Variants in DPP10 observed in about 807,000 individuals in gnomAD.
The protein encoded by DPP10 is dipeptidyl peptidase like 10, also known as inactive dipeptidyl peptidase 10.
DPP10 carries 33 observed loss-of-function variants against 120.9 expected under a neutral mutation model. The ratio of observed to expected loss-of-function variants is 0.27; its 90% confidence interval spans 0.21 to 0.37. The LOEUF is 0.37. Among genes scored for constraint, DPP10 ranks in the 10% least tolerant of loss-of-function variants. The pLI, the probability that DPP10 is intolerant of heterozygous loss-of-function variation, is 1.00. For synonymous variants in DPP10, 337 were observed against 326.1 expected, an observed-to-expected ratio of 1.03 and a Z score of -0.36; for missense variants, 816 against 942.8, an observed-to-expected ratio of 0.87 and a Z score of 1.76.
chr2:115,826,272 C>T (rs747221532), intron 21 of DPP10, among the ~76,000 whole-genome samples: 1 of 152,198 alleles, frequency 6.6e-6, no homozygotes, highest in Non-Finnish European at 1.5e-5. Flanking sequence ...TGACTTCCTA[C>T]AATTTTTATT....
At chr2:114,660,765 A>G (rs1482957881) in intron 1 of DPP10, among the ~76,000 whole-genome samples, 1 of 152,220 alleles carries the variant, frequency 6.6e-6, no homozygotes, top group Non-Finnish European at 1.5e-5. Context: ...TAGAATTTAC[A>G]GTTTACTTGG....
At chr2:115,804,495 A>T (rs1685672384) in intron 19 of DPP10, among the ~76,000 whole-genome samples, 1 of 152,154 alleles carries the variant, frequency 6.6e-6, no homozygotes, top group South Asian at 2.1e-4. Flanking sequence ...CCTTTGGAGG[A>T]GGAGAGGCGC....
chr2:114,767,853 G>A (rs1019369630), intron 1 of DPP10, among the ~76,000 whole-genome samples: 3 of 152,162 alleles, frequency 2.0e-5, no homozygotes, highest in Non-Finnish European at 4.4e-5. Context: ...GAGCATGGTG[G>A]CTCATGCCTG....
intron 3 of DPP10, among the ~76,000 whole-genome samples, chr2:115,402,275 T>C (rs2068126009): frequency 6.6e-6 from 1 of 152,104 alleles, no homozygotes; most frequent in African/African-American, 2.4e-5. Context: ...TACAGAAGGC[T>C]CATTCCTATT....
Position 115,584,863 on chromosome 2 carries a change from T to G in DPP10, c.441+58891T>G, listed in dbSNP as rs149437952. ...AGGTGGTTAAATACTGGTTGCATGA[T>G]CCTTCACAATCTCTGTCCTCTCATG... On this transcript the variant is annotated intron_variant, in intron 5 of 25. Coordinates refer to ENST00000410059, the MANE Select transcript of DPP10 (RefSeq NM_020868.6). Among the ~76,000 whole-genome samples, 9 of 152,340 alleles carry G rather than the reference T, an allele frequency of 5.9e-5. No individual in the cohort carries two copies. The East Asian group carries it at 1.7e-3, about 29-fold the overall frequency.
chr2:115,744,945 T>C (rs1377870829), intron 9 of DPP10, among the ~76,000 whole-genome samples: 1 of 150,530 alleles, frequency 6.6e-6, no homozygotes, highest in Admixed American at 7.0e-5. Context: ...TGGCATATTG[T>C]TTAGAAACAT....
At chr2:115,133,141 G>A (rs1365553398) in intron 1 of DPP10, among the ~76,000 whole-genome samples, 70 of 35,350 alleles carry the variant, frequency 2.0e-3, no homozygotes, top group African/African-American at 5.2e-3. Flanking sequence ...GTGTGTGTGT[G>A]TGTGTATATA....
intron 1 of DPP10, among the ~76,000 whole-genome samples, chr2:114,822,484 C>T (rs1174046375): frequency 6.6e-6 from 1 of 152,144 alleles, no homozygotes; most frequent in Non-Finnish European, 1.5e-5. Context: ...AGACATTTTC[C>T]CCGTTGTCTT....
At chr2:114,523,653 G>A (rs567666245) in intron 1 of DPP10, among the ~76,000 whole-genome samples, 3 of 152,282 alleles carry the variant, frequency 2.0e-5, no homozygotes, top group South Asian at 4.1e-4. Flanking sequence ...CTTTTTTTAA[G>A]GAGAGGAAAT....
At chr2:114,958,245 G>C (rs1698354236) in intron 1 of DPP10, among the ~76,000 whole-genome samples, 1 of 152,212 alleles carries the variant, frequency 6.6e-6, no homozygotes, top group Admixed American at 6.5e-5. Context: ...TGTATGAGTG[G>C]TTGAAGTATG....
At chr2:114,921,767 C>G (rs1695212224) in intron 1 of DPP10, among the ~76,000 whole-genome samples, 1 of 152,206 alleles carries the variant, frequency 6.6e-6, no homozygotes, top group African/African-American at 2.4e-5. Flanking sequence ...TAATATCTGT[C>G]TATTATGGCT....
At chr2:114,745,102 G>A (rs1276085055) in intron 1 of DPP10, among the ~76,000 whole-genome samples, 1 of 152,176 alleles carries the variant, frequency 6.6e-6, no homozygotes, top group Non-Finnish European at 1.5e-5. Context: ...TACAAAAATT[G>A]TTGCTGATCC....
chr2:114,688,975 G>A (rs1193632450), intron 1 of DPP10, among the ~76,000 whole-genome samples: 2 of 151,780 alleles, frequency 1.3e-5, no homozygotes, highest in Non-Finnish European at 2.9e-5. Context: ...TGTATCCCGA[G>A]ATGTCATTAA....
At chr2:114,576,817 T>C (rs1401023931) in intron 1 of DPP10, among the ~76,000 whole-genome samples, 2 of 151,994 alleles carry the variant, frequency 1.3e-5, no homozygotes, top group Non-Finnish European at 2.9e-5. Context: ...ACAAAATTAC[T>C]GCCTCTGGGT....
intron 1 of DPP10, among the ~76,000 whole-genome samples, chr2:114,491,218 G>C (rs967067116): frequency 1.3e-5 from 2 of 152,040 alleles, no homozygotes; most frequent in Non-Finnish European, 2.9e-5. Flanking sequence ...ATTTTAGAAA[G>C]TCCAAACTTT....
chr2:115,062,689 C>T (rs1276182518), intron 1 of DPP10, among the ~76,000 whole-genome samples: 3 of 152,306 alleles, frequency 2.0e-5, no homozygotes, highest in South Asian at 2.1e-4. Flanking sequence ...TGGCTTCCAG[C>T]TCCATCCATG....
intron 1 of DPP10, among the ~76,000 whole-genome samples, chr2:114,667,863 G>A (rs1487575247): frequency 6.6e-6 from 1 of 152,178 alleles, no homozygotes; most frequent in Non-Finnish European, 1.5e-5. Flanking sequence ...AACTGTAACA[G>A]AGAATGTTCT....
intron 3 of DPP10, among the ~76,000 whole-genome samples, chr2:115,471,750 C>G (rs2105181095): frequency 7.0e-6 from 1 of 143,458 alleles, no homozygotes; most frequent in African/African-American, 2.6e-5. Context: ...CCATGCCAGA[C>G]TAGTCTTTTT....
At chr2:114,874,379 G>A (rs1019105074) in intron 1 of DPP10, among the ~76,000 whole-genome samples, 3 of 152,096 alleles carry the variant, frequency 2.0e-5, no homozygotes, top group Admixed American at 2.0e-4. Context: ...TGTGACAAAA[G>A]CATCCAAAAG....
Sources: allele counts gnomAD v4.1 joint callset (sites outside exome capture counted in the v4.1 genomes callset), GRCh38; gene constraint gnomAD v4.1.1; transcripts MANE v1.5; gene names NCBI Gene and HGNC (gene_info 2026-07-23, HGNC 2026-07-21).